The following CNTN5 variants were observed in gnomAD, a reference collection of about 807,000 sequenced individuals.
The protein encoded by CNTN5 is contactin 5.
CNTN5 carries 77 observed loss-of-function variants against 129.1 expected under a neutral mutation model. The ratio of observed to expected loss-of-function variants is 0.60; its 90% CI spans 0.50 to 0.72. The LOEUF is 0.72. CNTN5 is among the 30% of genes least tolerant of loss of function. CNTN5 has a pLI of 0.00. For missense variants in CNTN5, 1,478 were observed against 1,328.8 expected (o/e 1.11, Z -1.75); for synonymous variants, 509 against 465.6 (o/e 1.09, Z -1.20).
chr11:99,986,438 C>T (rs780160799), intron 8 of CNTN5, among the ~76,000 whole-genome samples: 1 of 152,106 alleles, frequency 6.6e-6, no homozygotes, highest in Non-Finnish European at 1.5e-5. Flanking sequence ...ATCTGTATGA[C>T]TGCTACACCA....
chr11:100,204,343 T>TAA (rs1555039219), intron 15 of CNTN5, among the ~76,000 whole-genome samples: 14 of 111,430 alleles, frequency 1.3e-4, no homozygotes, highest in African/African-American at 3.8e-4. Context: ...TATATATATA[T>TAA]AATTATAGGC....
intron 1 of CNTN5, among the ~76,000 whole-genome samples, chr11:99,039,346 A>G (rs1374348779): frequency 1.3e-5 from 2 of 152,122 alleles, no homozygotes; most frequent in African/African-American, 2.4e-5. Context: ...TTGAGATGCC[A>G]TTCTTCAGAC....
intron 1 of CNTN5, among the ~76,000 whole-genome samples, chr11:99,170,236 G>T (rs977957823): frequency 6.6e-6 from 1 of 152,086 alleles, no homozygotes; most frequent in Admixed American, 6.5e-5. Context: ...CATTCTGTCA[G>T]CAATCCTATG....
At chr11:99,994,476 T>C (rs1196915494) in intron 8 of CNTN5, among the ~76,000 whole-genome samples, 1 of 152,150 alleles carries the variant, frequency 6.6e-6, no homozygotes, top group Admixed American at 6.5e-5. Flanking sequence ...CTTTAGACAA[T>C]TTACTAGAAA....
intron 13 of CNTN5, among the ~76,000 whole-genome samples, chr11:100,105,415 A>G (rs1393493059): frequency 6.6e-6 from 1 of 152,200 alleles, no homozygotes; most frequent in Non-Finnish European, 1.5e-5. Flanking sequence ...GACTTCCGGT[A>G]CATCAAAGAA....
chr11:99,104,302 G>A (rs150427637), intron 1 of CNTN5, among the ~76,000 whole-genome samples: 1 of 151,972 alleles, frequency 6.6e-6, no homozygotes, highest in Non-Finnish European at 1.5e-5. Context: ...ATAACTATTG[G>A]AGGCTGTCCT....
intron 3 of CNTN5, among the ~76,000 whole-genome samples, chr11:99,801,484 A>G (rs775357868): frequency 2.0e-5 from 3 of 152,174 alleles, no homozygotes; most frequent in Non-Finnish European, 4.4e-5. Flanking sequence ...CCTTTCCAAG[A>G]CTATTAGCAA....
intron 3 of CNTN5, among the ~76,000 whole-genome samples, chr11:99,602,617 T>A (rs1202805140): frequency 1.3e-5 from 2 of 152,008 alleles, no homozygotes; most frequent in Admixed American, 6.6e-5. Context: ...CTCCCACTAC[T>A]TTATGGGAAG....
chr11:100,065,677 C>G (rs111774243), intron 10 of CNTN5, among the ~76,000 whole-genome samples: 1,591 of 152,072 alleles, frequency 0.01, 37 homozygotes, highest in African/African-American at 0.036. Context: ...CTACCTCCAC[C>G]CCCAAGGATA....
At chr11:99,872,758 G>A (rs112760423) in intron 6 of CNTN5, among the ~76,000 whole-genome samples, 56 of 152,194 alleles carry the variant, frequency 3.7e-4, no homozygotes, top group African/African-American at 1.3e-3. Flanking sequence ...TGAGTAACAT[G>A]TACCAGTTTC....
At chr11:99,511,591 G>A (rs1399297785) in intron 2 of CNTN5, among the ~76,000 whole-genome samples, 13 of 151,992 alleles carry the variant, frequency 8.6e-5, no homozygotes, top group Admixed American at 8.5e-4. Context: ...CAATTCCTGG[G>A]TATCCTTGTT....
intron 7 of CNTN5, among the ~76,000 whole-genome samples, chr11:99,921,016 A>G (rs1465508048): frequency 2.0e-5 from 3 of 152,110 alleles, no homozygotes; most frequent in Non-Finnish European, 4.4e-5. Context: ...TGAATGTGAG[A>G]AAACAAAGAA....
intron 6 of CNTN5, among the ~76,000 whole-genome samples, chr11:99,904,026 A>G (rs1401541339): frequency 6.6e-6 from 1 of 152,160 alleles, no homozygotes; most frequent in Admixed American, 6.6e-5. Flanking sequence ...GCTGGTGAGG[A>G]TGTAGAGAAA....
intron 7 of CNTN5, among the ~76,000 whole-genome samples, chr11:99,950,489 A>C (rs573889692): frequency 6.6e-6 from 1 of 152,304 alleles, no homozygotes; most frequent in South Asian, 2.1e-4. Flanking sequence ...TCAAGTAAAA[A>C]AAATAAAGTA....
intron 3 of CNTN5, among the ~76,000 whole-genome samples, chr11:99,656,782 A>C (rs1157179246): frequency 6.6e-6 from 1 of 152,132 alleles, no homozygotes; most frequent in Middle Eastern, 3.2e-3. Flanking sequence ...AGTGGACTGG[A>C]TAGCAAAGGC....
intron 1 of CNTN5, among the ~76,000 whole-genome samples, chr11:99,238,531 G>T (rs1861388936): frequency 2.0e-5 from 3 of 152,108 alleles, no homozygotes; most frequent in African/African-American, 7.2e-5. Context: ...ATTCATTATG[G>T]CTTCGTTAAG....
chr11:100,193,360 G>A (rs1948547825), intron 14 of CNTN5, 128 bp from the exon 15 acceptor site: 2 of 539,812 alleles, frequency 3.7e-6, no homozygotes, highest in Non-Finnish European at 6.2e-6. Flanking sequence ...ATGTAAAAAA[G>A]CTGGTATATG....
chr11:99,059,245 G>T (rs1279076517), intron 1 of CNTN5, among the ~76,000 whole-genome samples: 1 of 151,922 alleles, frequency 6.6e-6, no homozygotes, highest in Non-Finnish European at 1.5e-5. Context: ...GGATGGGTAG[G>T]CCTTGCCAAT....
chr11:100,126,002 A>T (rs1025683145), intron 13 of CNTN5, among the ~76,000 whole-genome samples: 4 of 152,008 alleles, frequency 2.6e-5, no homozygotes, highest in Non-Finnish European at 5.9e-5. Context: ...GTATGTGTGT[A>T]TCTATTTTCA....
Sources: gnomAD v4.1 joint callset for allele counts (sites outside exome capture counted in the v4.1 genomes callset) on GRCh38, gnomAD v4.1.1 for gene constraint, MANE v1.5 for transcripts, NCBI Gene and HGNC (gene_info 2026-07-23, HGNC 2026-07-21) for gene names.